The following NKAIN3 variants were observed in gnomAD, a reference collection of about 807,000 sequenced individuals.
NKAIN3 encodes the protein sodium/potassium-transporting ATPase subunit beta-1-interacting protein 3.
NKAIN3 carries 25 observed loss-of-function variants against 30.2 expected under a neutral mutation model. That is an observed-to-expected ratio of 0.83 (90% CI 0.60 to 1.16). The LOEUF is 1.16. NKAIN3 is among the 50% of genes most tolerant of loss of function. The pLI is 0.00. For missense variants in NKAIN3, 225 were observed against 254.1 expected, an observed-to-expected ratio of 0.89 and a Z score of 0.78; for synonymous variants, 91 against 89.6, an observed-to-expected ratio of 1.02 and a Z score of -0.09.
intron 1 of NKAIN3, among the ~76,000 whole-genome samples, chr8:62,291,623 C>T (rs1173567117): frequency 6.6e-6 from 1 of 152,130 alleles, no homozygotes; most frequent in Non-Finnish European, 1.5e-5. Flanking sequence ...AATTTCTGTT[C>T]TTTTACATTT....
At position 62,977,442 on chromosome 8, in the gene NKAIN3, T is replaced by A. The variant is rs1823967789; in HGVS notation, c.*12035T>A. Among the ~76,000 whole-genome samples the A allele has an allele frequency of 6.6e-6, 1 of 151,990 alleles. No homozygotes were observed. The highest frequency in any genetic ancestry group is 2.1e-4 in the South Asian group (1 of 4,820). ...TGTCTTCATGCTTTATTTCCTTAAGTTGATCTTCAGTCTCTGATATCCTTT... is the reference window on the plus strand; with the variant it reads ...TGTCTTCATGCTTTATTTCCTTAAGATGATCTTCAGTCTCTGATATCCTTT... On this transcript the variant is annotated 3_prime_UTR_variant, in exon 7 of 7. Transcript: ENST00000623646.
At chr8:62,264,229 A>C (rs1812537894) in intron 1 of NKAIN3, among the ~76,000 whole-genome samples, 1 of 152,184 alleles carries the variant, frequency 6.6e-6, no homozygotes, top group Non-Finnish European at 1.5e-5. Context: ...GAATGTTGAA[A>C]GGAATATATT....
rs73258742 is a variant in NKAIN3, at chr8:62,846,505, C to T, written c.472-71948C>T. ...TCATCCCCCACCCTCCAACAGGTCC[C>T]ATGTATGTTATTCTGCCCCTCGTGA... On this transcript the variant is annotated intron_variant, in intron 4 of 6. Coordinates refer to ENST00000623646, the MANE Select transcript of NKAIN3 (RefSeq NM_001304533.3). 1.4e-3 allele frequency among the ~76,000 whole-genome samples: 220 copies of T among 152,048 alleles called. 1 individual carries two copies. Among genetic ancestry groups the T allele is most frequent in the African/African-American group, 5.0e-3 (209 of 41,510 alleles).
chr8:62,808,965 TA>T (rs1818394631), intron 4 of NKAIN3, among the ~76,000 whole-genome samples: 1 of 152,124 alleles, frequency 6.6e-6, no homozygotes, highest in African/African-American at 2.4e-5. Flanking sequence ...TCTGCAACTG[TA>T]TAAGACGGAC....
chr8:62,983,506 AAAAAC>A lies in NKAIN3; in HGVS notation c.*18103_*18107del, dbSNP rs1824131931. The A allele has an allele frequency of 1.3e-5, 2 of 152,214 alleles. No homozygotes were observed. Among genetic ancestry groups the A allele is most frequent in the African/African-American group, 4.8e-5 (2 of 41,456 alleles). 9.4% of individuals were successfully genotyped at this position (152,214 alleles called of 1,614,324 possible). A position where few individuals can be genotyped will look rare whatever the true frequency, so the allele number is the denominator to read the frequency against. ...TTGTGCAAAAAGCTTGGGGAGTGATAAAAACAAATCAAATTCACATTTTAATTTAG... is the reference window on the plus strand; with the variant it reads ...TTGTGCAAAAAGCTTGGGGAGTGATAAAATCAAATTCACATTTTAATTTAG... On this transcript the variant is annotated 3_prime_UTR_variant, in exon 7 of 7. Coordinates refer to ENST00000623646, the MANE Select transcript of NKAIN3 (RefSeq NM_001304533.3).
rs966037455 is a variant in NKAIN3 at position 62,984,000 on chromosome 8, A to G, written c.*18593A>G. The stretch of plus-strand genomic sequence containing the variant: ...TAAAGGAACTCAGTAAAAGATCAAA[A>G]GCAATGCTCAAAGGGAGTGCCTGGG... On this transcript the variant is annotated 3_prime_UTR_variant, in exon 7 of 7. Transcript: ENST00000623646. 2.6e-5 allele frequency: 4 copies of G among 152,226 alleles called. No homozygotes were observed. The highest frequency in any genetic ancestry group is 7.2e-5 in the African/African-American group (3 of 41,454). 9.4% of individuals were successfully genotyped at this position (152,226 alleles called of 1,614,324 possible). A position where few individuals can be genotyped will look rare whatever the true frequency, so the allele number is the denominator to read the frequency against.
intron 3 of NKAIN3, among the ~76,000 whole-genome samples, chr8:62,624,619 T>C (rs1811736930): frequency 6.6e-6 from 1 of 151,972 alleles, no homozygotes; most frequent in Admixed American, 6.6e-5. Context: ...TTTTATGAGC[T>C]TCCTGTATCT....
intron 4 of NKAIN3, among the ~76,000 whole-genome samples, chr8:62,907,044 G>A (rs75398726): frequency 0.028 from 4,301 of 152,284 alleles, 197 homozygotes; most frequent in African/African-American, 0.098. Flanking sequence ...TGTTCAAAAT[G>A]CTGATAGTGA....
At chr8:62,881,843 A>G (rs549223506) in intron 4 of NKAIN3, among the ~76,000 whole-genome samples, 99 of 152,326 alleles carry the variant, frequency 6.5e-4, no homozygotes, top group African/African-American at 2.1e-3. Flanking sequence ...ACCATTTTGT[A>G]TTCCCACCAG....
chr8:62,368,656 C>T (rs1816810852), intron 1 of NKAIN3, among the ~76,000 whole-genome samples: 2 of 152,142 alleles, frequency 1.3e-5, no homozygotes, highest in South Asian at 4.1e-4. Context: ...GTGCAAAAGG[C>T]CATCACAACC....
chr8:62,581,311 G>T (rs1323750141), intron 2 of NKAIN3, among the ~76,000 whole-genome samples: 1 of 152,038 alleles, frequency 6.6e-6, no homozygotes, highest in African/African-American at 2.4e-5. Context: ...TTGTTACTAT[G>T]AATATAGAGC....
chr8:62,435,737 TATAAA>T (rs1397826007), intron 1 of NKAIN3, among the ~76,000 whole-genome samples: 1 of 152,160 alleles, frequency 6.6e-6, no homozygotes, highest in Non-Finnish European at 1.5e-5. Flanking sequence ...AAAATTAAGA[TATAAA>T]ATACAAAAGT....
intron 1 of NKAIN3, among the ~76,000 whole-genome samples, chr8:62,288,302 T>C (rs57809373): frequency 0.017 from 2,528 of 152,284 alleles, 61 homozygotes; most frequent in African/African-American, 0.055. Context: ...GCATGTTTGT[T>C]ACAAATGTAT....
intron 1 of NKAIN3, among the ~76,000 whole-genome samples, chr8:62,354,930 G>T (rs567140007): frequency 3.9e-5 from 6 of 152,088 alleles, no homozygotes; most frequent in African/African-American, 1.4e-4. Flanking sequence ...AAGGCAAGTC[G>T]GCCCTTTCTC....
chr8:62,932,951 A>T (rs951388177), intron 5 of NKAIN3, among the ~76,000 whole-genome samples: 20 of 150,656 alleles, frequency 1.3e-4, no homozygotes, highest in African/African-American at 4.9e-4. Flanking sequence ...CCGAGGAAGA[A>T]ATGTCTGCCC....
At chr8:62,866,209 G>A (rs7018340) in intron 4 of NKAIN3, among the ~76,000 whole-genome samples, 104,470 of 152,098 alleles carry the variant, frequency 0.69, 36,482 homozygotes, top group African/African-American at 0.76. Flanking sequence ...AATTGGAAAA[G>A]AGAAATGTGT....
chr8:62,276,827 G>A (rs1366466165), intron 1 of NKAIN3, among the ~76,000 whole-genome samples: 1 of 152,112 alleles, frequency 6.6e-6, no homozygotes, highest in African/African-American at 2.4e-5. Flanking sequence ...GTCAAACATT[G>A]CATTAAAATA....
intron 1 of NKAIN3, among the ~76,000 whole-genome samples, chr8:62,351,952 A>G (rs963458941): frequency 6.6e-6 from 1 of 152,206 alleles, no homozygotes; most frequent in Non-Finnish European, 1.5e-5. Context: ...GGATGGAGAC[A>G]GAGGTGTTCC....
intron 3 of NKAIN3, among the ~76,000 whole-genome samples, chr8:62,745,957 T>G (rs1816055557): frequency 6.6e-6 from 1 of 152,188 alleles, no homozygotes. Flanking sequence ...TTAAATTACC[T>G]CACTGTGACT....
Sources: allele counts gnomAD v4.1 joint callset (sites outside exome capture counted in the v4.1 genomes callset), GRCh38; gene constraint gnomAD v4.1.1; transcripts MANE v1.5; gene names NCBI Gene and HGNC (gene_info 2026-07-23, HGNC 2026-07-21).